ADGRB3: variants seen among roughly 807,000 people sequenced by gnomAD.
ADGRB3 encodes adhesion G protein-coupled receptor B3, also known as brain-specific angiogenesis inhibitor 3.
A neutral mutation model predicts 193.4 loss-of-function variants in ADGRB3; 37 were observed. The ratio of observed to expected loss-of-function variants is 0.19; its 90% CI spans 0.15 to 0.25. The LOEUF is 0.25. Ranked by LOEUF, ADGRB3 falls within the 10% of genes least tolerant of loss-of-function variation. The probability of loss-of-function intolerance (pLI) is 1.00; values close to 1 mark genes in which losing one functional copy is unlikely to be tolerated. For missense variants in ADGRB3, 1,637 were observed against 1,852.9 expected, an observed-to-expected ratio of 0.88 and a Z score of 2.14; for synonymous variants, 690 against 644.2, an observed-to-expected ratio of 1.07 and a Z score of -1.08.
At chr6:69,206,357 G>A (rs965133657) in intron 17 of ADGRB3, among the ~76,000 whole-genome samples, 4 of 151,842 alleles carry the variant, frequency 2.6e-5, no homozygotes, top group Non-Finnish European at 5.9e-5. Context: ...CCCGCCCACT[G>A]ACTCAAATGT....
chr6:69,370,146 T>C (rs1384252538), intron 29 of ADGRB3, among the ~76,000 whole-genome samples: 1 of 152,166 alleles, frequency 6.6e-6, no homozygotes, highest in East Asian at 1.9e-4. Flanking sequence ...AGTGGGCAAG[T>C]AATTTTAACT....
At chr6:69,260,773 T>C (rs1437878943) in intron 20 of ADGRB3, among the ~76,000 whole-genome samples, 1 of 152,190 alleles carries the variant, frequency 6.6e-6, no homozygotes, top group Admixed American at 6.5e-5. Context: ...CCTTATGTCC[T>C]GGGATTAAAA....
intron 11 of ADGRB3, among the ~76,000 whole-genome samples, chr6:69,000,129 C>G (rs1414062640): frequency 6.6e-6 from 1 of 152,072 alleles, no homozygotes; most frequent in Non-Finnish European, 1.5e-5. Context: ...GCCTGTCCAG[C>G]TATCTTAGTA....
chr6:69,110,071 C>T (rs1430203633), intron 17 of ADGRB3, among the ~76,000 whole-genome samples: 1 of 151,708 alleles, frequency 6.6e-6, no homozygotes, highest in African/African-American at 2.4e-5. Flanking sequence ...CCTCAGCACC[C>T]CGAGTAGCTG....
intron 11 of ADGRB3, among the ~76,000 whole-genome samples, chr6:68,997,231 C>A (rs1769410232): frequency 6.6e-6 from 1 of 152,068 alleles, no homozygotes; most frequent in Non-Finnish European, 1.5e-5. Flanking sequence ...CTCCAATAAA[C>A]ATACACAGGC....
At chr6:69,100,262 ATCT>A (rs1378101957) in intron 17 of ADGRB3, among the ~76,000 whole-genome samples, 3 of 152,100 alleles carry the variant, frequency 2.0e-5, no homozygotes, top group Non-Finnish European at 4.4e-5. Flanking sequence ...CTTTCTATTA[ATCT>A]TCTTACTTTT....
rs1012949186 is a variant in ADGRB3, at chr6:68,635,441, G to A, written c.-747G>A. ...CCGTCCGTCCATCAGTACCTGCAGG[G>A]GGGAGGAGGAGGAGGGAGGAAAGCG... is the stretch of plus-strand genomic sequence containing the variant. On this transcript the variant is annotated 5_prime_UTR_variant, in exon 1 of 32. Transcript: ENST00000370598. 1 of 152,364 alleles carries A rather than the reference G, an allele frequency of 6.6e-6. No individual in the cohort carries two copies. The highest frequency in any genetic ancestry group is 2.4e-5 in the African/African-American group (1 of 41,402). 9.4% of individuals were successfully genotyped at this position (152,364 alleles called of 1,614,324 possible).
At chr6:68,676,942 C>A (rs1769106311) in intron 3 of ADGRB3, among the ~76,000 whole-genome samples, 1 of 151,964 alleles carries the variant, frequency 6.6e-6, no homozygotes, top group South Asian at 2.1e-4. Context: ...AATAAAAAAA[C>A]AAAAAATGAA....
At chr6:69,261,552 A>T (rs1766929452) in intron 20 of ADGRB3, among the ~76,000 whole-genome samples, 1 of 152,088 alleles carries the variant, frequency 6.6e-6, no homozygotes, top group African/African-American at 2.4e-5. Flanking sequence ...GTTTGATATG[A>T]CATTTTTTAT....
intron 29 of ADGRB3, 80 bp downstream of exon 29, chr6:69,361,592 A>G (rs1021694537): frequency 6.2e-6 from 9 of 1,443,662 alleles, no homozygotes; most frequent in South Asian, 2.7e-5. Flanking sequence ...TGATTGGTTG[A>G]TTGATTGATG....
At chr6:69,278,953 A>G (rs936605872) in intron 20 of ADGRB3, among the ~76,000 whole-genome samples, 1 of 151,138 alleles carries the variant, frequency 6.6e-6, no homozygotes, top group Non-Finnish European at 1.5e-5. Flanking sequence ...TTCATGGAAT[A>G]CTTGAAAATG....
At chr6:69,275,645 C>A (rs1767286183) in intron 20 of ADGRB3, among the ~76,000 whole-genome samples, 1 of 151,576 alleles carries the variant, frequency 6.6e-6, no homozygotes, top group African/African-American at 2.4e-5. Context: ...ATTCAATGAT[C>A]TGTTATTGCA....
At chr6:69,238,884 C>T (rs1286205964) in intron 19 of ADGRB3, among the ~76,000 whole-genome samples, 2 of 151,748 alleles carry the variant, frequency 1.3e-5, no homozygotes, top group African/African-American at 2.4e-5. Flanking sequence ...CCATACTGTC[C>T]CACCAATGTC....
At chr6:68,819,582 C>T (rs73465071) in intron 3 of ADGRB3, among the ~76,000 whole-genome samples, 1,600 of 152,104 alleles carry the variant, frequency 0.011, 31 homozygotes, top group African/African-American at 0.034. Context: ...CATATATATG[C>T]AGCTGCTGCG....
At chr6:69,280,484 C>T (rs1221030861) in intron 20 of ADGRB3, among the ~76,000 whole-genome samples, 1 of 152,074 alleles carries the variant, frequency 6.6e-6, no homozygotes, top group Non-Finnish European at 1.5e-5. Context: ...TGACCTCGGG[C>T]AAGTGTTTTA....
intron 13 of ADGRB3, among the ~76,000 whole-genome samples, chr6:69,030,583 G>A (rs1481002872): frequency 2.6e-5 from 4 of 152,118 alleles, no homozygotes; most frequent in Non-Finnish European, 5.9e-5. Context: ...CATGGACACA[G>A]GGAGGGGAAC....
intron 17 of ADGRB3, among the ~76,000 whole-genome samples, chr6:69,188,783 A>G (rs896683992): frequency 2.6e-5 from 4 of 152,162 alleles, no homozygotes; most frequent in African/African-American, 9.7e-5. Flanking sequence ...TATAACAGAC[A>G]CATTTGTTTG....
At position 68,796,221 on chromosome 6, in the gene ADGRB3, A is replaced by G. The variant is rs143042247; in HGVS notation, c.758-134338A>G. On this transcript the variant is annotated intron_variant, in intron 3 of 31. Coordinates refer to ENST00000370598, the MANE Select transcript of ADGRB3 (RefSeq NM_001704.3). ...CCACCTGGCATCTAGATCGAGCTCT[A>G]TATTGATCCAAAGTATTCCATTCTG... 2.3e-3 allele frequency among the ~76,000 whole-genome samples: 355 copies of G among 152,250 alleles called. 1 individual carries two copies. The highest frequency in any genetic ancestry group is 8.1e-3 in the African/African-American group (338 of 41,568).
At chr6:68,812,979 A>G (rs1428464057) in intron 3 of ADGRB3, among the ~76,000 whole-genome samples, 1 of 151,990 alleles carries the variant, frequency 6.6e-6, no homozygotes, top group African/African-American at 2.4e-5. Context: ...GAACTTTAGG[A>G]ATTTTAATGT....
Sources: gnomAD v4.1 joint callset for allele counts (sites outside exome capture counted in the v4.1 genomes callset) on GRCh38, gnomAD v4.1.1 for gene constraint, MANE v1.5 for transcripts, NCBI Gene and HGNC (gene_info 2026-07-23, HGNC 2026-07-21) for gene names.